SOX6: variants seen among roughly 807,000 people sequenced by gnomAD.
The protein encoded by SOX6 is SRY-box transcription factor 6.
SOX6 carries 11 observed loss-of-function variants against 97.8 expected under a neutral mutation model. The ratio of observed to expected loss-of-function variants is 0.11; its 90% CI spans 0.07 to 0.19. SOX6 has a LOEUF of 0.19. Ranked by LOEUF, SOX6 falls within the 10% of genes least tolerant of loss-of-function variation. The pLI is 1.00. For missense variants in SOX6, 810 were observed against 1,039.5 expected (o/e 0.78, Z 3.04); for synonymous variants, 360 against 371.4 (o/e 0.97, Z 0.35).
chr11:15,979,798 T>A (rs534806879), intron 15 of SOX6, among the ~76,000 whole-genome samples: 1 of 152,138 alleles, frequency 6.6e-6, no homozygotes, highest in Non-Finnish European at 1.5e-5. Flanking sequence ...TCAGTGAGGT[T>A]TTCCATGACT....
At chr11:16,319,701 C>A (rs1194869935) in intron 2 of SOX6, among the ~76,000 whole-genome samples, 1 of 152,072 alleles carries the variant, frequency 6.6e-6, no homozygotes, top group Non-Finnish European at 1.5e-5. Flanking sequence ...CATAGTATTT[C>A]ATTGTGTATA....
At chr11:16,028,136 T>G (rs550543366) in intron 12 of SOX6, among the ~76,000 whole-genome samples, 1 of 152,370 alleles carries the variant, frequency 6.6e-6, no homozygotes, top group East Asian at 1.9e-4. Context: ...GAATAAATTT[T>G]GTACACAGCC....
chr11:15,967,382 A>G lies in SOX6; in HGVS notation c.*5427T>C, dbSNP rs1209268184. 1 of 152,236 alleles carries G rather than the reference A, an allele frequency of 6.6e-6. No homozygotes were observed. Among genetic ancestry groups the G allele is most frequent in the East Asian group, 1.9e-4 (1 of 5,200 alleles). The allele number at this position is 152,236 out of a possible 1,614,324, so 9.4% of individuals were successfully genotyped here. ...ACAGCAGCCAGCATGTCAGTCCAGC[A>G]TGTCAGTGAATTGTGCTGATTAAAT... On this transcript the variant is annotated 3_prime_UTR_variant, in exon 16 of 16. Transcript: ENST00000683767.
intron 13 of SOX6, among the ~76,000 whole-genome samples, chr11:16,009,483 G>T (rs1336053581): frequency 2.6e-5 from 4 of 152,124 alleles, no homozygotes; most frequent in Admixed American, 1.3e-4. Flanking sequence ...TATTGGTAGG[G>T]TCTAGAAGTC....
chr11:16,404,677 A>G (rs753571438), intron 1 of SOX6, among the ~76,000 whole-genome samples: 11 of 151,962 alleles, frequency 7.2e-5, no homozygotes, highest in Non-Finnish European at 1.5e-4. Flanking sequence ...ACAAGACAAT[A>G]TTGCATAAAA....
chr11:16,640,660 T>C (rs1279804784), intron 3 of SOX6, among the ~76,000 whole-genome samples: 1 of 152,188 alleles, frequency 6.6e-6, no homozygotes, highest in African/African-American at 2.4e-5. Flanking sequence ...TGTCGAGGAA[T>C]TTATCCATTT....
chr11:16,734,356 G>A (rs1848375009), intron 2 of SOX6, among the ~76,000 whole-genome samples: 1 of 152,070 alleles, frequency 6.6e-6, no homozygotes, highest in Non-Finnish European at 1.5e-5. Flanking sequence ...TTCTAAATGG[G>A]CTTCATCTCA....
At chr11:16,339,200 G>A (rs576050934) in intron 2 of SOX6, among the ~76,000 whole-genome samples, 5 of 151,728 alleles carry the variant, frequency 3.3e-5, no homozygotes, top group East Asian at 1.9e-4. Flanking sequence ...ATTATACCAC[G>A]CCAGACTTTA....
At chr11:16,095,225 A>G (rs913174167) in intron 9 of SOX6, among the ~76,000 whole-genome samples, 3 of 151,896 alleles carry the variant, frequency 2.0e-5, no homozygotes, top group Non-Finnish European at 2.9e-5. Flanking sequence ...GAAATTCTCC[A>G]ATATGAGAGT....
chr11:16,643,329 G>C (rs1003993778), intron 3 of SOX6, among the ~76,000 whole-genome samples: 17 of 152,172 alleles, frequency 1.1e-4, no homozygotes, highest in African/African-American at 4.1e-4. Flanking sequence ...CCCCTACTGG[G>C]GGGTGCCTCC....
At chr11:16,700,795 T>C (rs1848086893) in intron 3 of SOX6, among the ~76,000 whole-genome samples, 1 of 152,184 alleles carries the variant, frequency 6.6e-6, no homozygotes, top group African/African-American at 2.4e-5. Flanking sequence ...GATAATGGCT[T>C]CCTGCTATTG....
chr11:16,383,638 T>C (rs1002502477), intron 1 of SOX6, among the ~76,000 whole-genome samples: 1 of 152,006 alleles, frequency 6.6e-6, no homozygotes, highest in African/African-American at 2.4e-5. Flanking sequence ...AATGGATCTT[T>C]AATACCCTTA....
In SOX6 at chr11:16,487,862, G is replaced by C. The variant is rs567217052; in HGVS notation, n.610-11474C>G. 5.9e-5 allele frequency among the ~76,000 whole-genome samples: 9 copies of C among 152,230 alleles called. No individual in the cohort carries two copies. In the East Asian group the frequency reaches 1.7e-3, roughly 29 times the overall value. On this transcript the variant is annotated intron_variant and non_coding_transcript_variant, in intron 4 of 5. Coordinates refer to the SOX6 transcript ENST00000524520. ...AGTAATGGAGCTCTGTAATTTAAAA[G>C]TATCAGGCAAATAACAGCAAGTAAC...
At chr11:16,284,502 T>C (rs112010455) in intron 3 of SOX6, among the ~76,000 whole-genome samples, 59 of 152,288 alleles carry the variant, frequency 3.9e-4, no homozygotes, top group African/African-American at 1.3e-3. Flanking sequence ...TAGTTTAACA[T>C]ATTATATTAA....
chr11:16,268,496 A>G (rs1367607311), intron 3 of SOX6, among the ~76,000 whole-genome samples: 1 of 151,180 alleles, frequency 6.6e-6, no homozygotes, highest in East Asian at 1.9e-4. Context: ...GATATGATAT[A>G]TGATGATACG....
At chr11:16,501,041 G>A (rs1358033176) in intron 4 of SOX6, among the ~76,000 whole-genome samples, 3 of 152,132 alleles carry the variant, frequency 2.0e-5, no homozygotes, top group South Asian at 2.1e-4. Flanking sequence ...GAAGCACCAC[G>A]CTACCTGACT....
rs115816014 is a variant in SOX6, at chr11:16,036,047, C to T, written c.1623+10467G>A. ...AAAATGAGCGGCTGTACTAAATGAT[C>T]TCTAAGGGCTCTTTTAGCTCTGATT... On this transcript the variant is annotated intron_variant, in intron 12 of 15. Coordinates refer to ENST00000683767, the MANE Select transcript of SOX6 (RefSeq NM_001367873.1). Among the ~76,000 whole-genome samples, 1,187 of 150,864 alleles carry T rather than the reference C, an allele frequency of 7.9e-3. 18 individuals are homozygous for T. Among genetic ancestry groups the T allele is most frequent in the African/African-American group, 0.027 (1,104 of 41,090 alleles).
chr11:16,715,050 A>C (rs936058917), intron 2 of SOX6: 2 of 152,190 alleles, frequency 1.3e-5, no homozygotes, highest in African/African-American at 4.8e-5. Context: ...GCATGAGTAA[A>C]TCATGTTTAC....
At chr11:16,568,501 C>A (rs887928406) in intron 4 of SOX6, among the ~76,000 whole-genome samples, 1 of 152,038 alleles carries the variant, frequency 6.6e-6, no homozygotes, top group Non-Finnish European at 1.5e-5. Context: ...TGTTTTGGAA[C>A]AAGATAGGTG....
Sources: gnomAD v4.1 joint callset for allele counts (sites outside exome capture counted in the v4.1 genomes callset) on GRCh38, gnomAD v4.1.1 for gene constraint, MANE v1.5 for transcripts, NCBI Gene and HGNC (gene_info 2026-07-23, HGNC 2026-07-21) for gene names.